Variants in EIF1B observed in about 807,000 individuals in gnomAD.
EIF1B encodes eukaryotic translation initiation factor 1B, also known as protein translation factor SUI1 homolog GC20.
Under a neutral mutation model 14.8 loss-of-function variants are expected in EIF1B, and 5 were observed. That is an observed-to-expected ratio of 0.34 (90% CI 0.18 to 0.71). The LOEUF (loss-of-function observed/expected upper bound fraction) is 0.71, where lower values mean the gene tolerates loss of function less well. EIF1B is among the 30% of genes least tolerant of loss of function. EIF1B has a pLI of 0.64. For missense variants in EIF1B, 56 were observed against 134.0 expected (o/e 0.42, Z 2.87); for synonymous variants, 45 against 45.8 (o/e 0.98, Z 0.07).
intron 2 of EIF1B, 164 bp downstream of exon 2, chr3:40,311,220 C>T: frequency 1.5e-6 from 1 of 687,438 alleles, no homozygotes; most frequent in Non-Finnish European, 2.3e-6. Context: ...CCAGTGTGGT[C>T]TCTCATTTTA....
intron 1 of EIF1B, 74 bp downstream of exon 1, chr3:40,310,046 C>G: frequency 1.3e-6 from 2 of 1,584,396 alleles, no homozygotes; most frequent in Non-Finnish European, 1.7e-6. Context: ...TGGCCACCGC[C>G]CCTAGGGGCC....
Position 40,312,244 on chromosome 3 carries a change from C to T in EIF1B, c.*230C>T, listed in dbSNP as rs1255469098. On this transcript the variant is annotated 3_prime_UTR_variant, in exon 4 of 4. Coordinates refer to ENST00000232905, the MANE Select transcript of EIF1B (RefSeq NM_005875.3). ...ACCTCATATTGTCTTTACATGTTTCCAATGGAAAATGTTTTGAGTGTTTAT... is the reference window on the plus strand; with the variant it reads ...ACCTCATATTGTCTTTACATGTTTCTAATGGAAAATGTTTTGAGTGTTTAT... The T allele has an allele frequency of 5.1e-5, 24 of 469,444 alleles. No individual in the cohort carries two copies. The East Asian group carries it at 7.7e-4, about 15-fold the overall frequency. 29.1% of individuals were successfully genotyped at this position (469,444 alleles called of 1,614,324 possible).
Position 40,310,889 on chromosome 3 carries a change from G to C in EIF1B, c.32-4G>C. On this transcript the variant is annotated splice_region_variant and splice_polypyrimidine_tract_variant and intron_variant, in intron 1 of 3. Coordinates refer to ENST00000232905, the MANE Select transcript of EIF1B (RefSeq NM_005875.3). The stretch of plus-strand genomic sequence containing the variant: ...ATTTTTTTTTTTTTTTTATCCATTC[G>C]CAGACCCCTTTGCTGATGCAACTAA... 1 of 1,518,270 alleles carries C rather than the reference G, an allele frequency of 6.6e-7. No individual in the cohort carries two copies. Among genetic ancestry groups the C allele is most frequent in the Non-Finnish European group, 8.8e-7 (1 of 1,133,800 alleles). 94.0% of individuals were successfully genotyped at this position (1,518,270 alleles called of 1,614,324 possible).
In EIF1B at chr3:40,310,885, A is replaced by G. The variant is rs1415309592; in HGVS notation, c.32-8A>G. The G allele has an allele frequency of 6.5e-7, 1 of 1,532,066 alleles. No homozygotes were observed. The allele number at this position is 1,532,066 out of a possible 1,614,324, so 94.9% of individuals were successfully genotyped here. A position where few individuals can be genotyped will look rare whatever the true frequency, so the allele number is the denominator to read the frequency against. ...TTGGATTTTTTTTTTTTTTTTATCC[A>G]TTCGCAGACCCCTTTGCTGATGCAA... On this transcript the variant is annotated splice_region_variant and splice_polypyrimidine_tract_variant and intron_variant, in intron 1 of 3. Coordinates refer to ENST00000232905, the MANE Select transcript of EIF1B (RefSeq NM_005875.3).
intron 1 of EIF1B, among the ~76,000 whole-genome samples, chr3:40,310,207 G>C (rs570556969): frequency 6.6e-6 from 1 of 152,320 alleles, no homozygotes; most frequent in African/African-American, 2.4e-5. Flanking sequence ...GCCACCCCCT[G>C]CCCCGTCCTT....
Position 40,309,936 on chromosome 3 carries a change from T to A in EIF1B, c.-6T>A, listed in dbSNP as rs1377955749. On this transcript the variant is annotated 5_prime_UTR_variant, in exon 1 of 4. Coordinates refer to ENST00000232905, the MANE Select transcript of EIF1B (RefSeq NM_005875.3). ...TATCCCCTCACCGGCCTCACACTAG[T>A]ATCGCATGTCCACTATCCAGAACCT... is the stretch of plus-strand genomic sequence containing the variant. 6.2e-7 allele frequency: 1 copy of A among 1,614,012 alleles called. No individual in the cohort carries two copies. The highest frequency in any genetic ancestry group is 8.5e-7 in the Non-Finnish European group (1 of 1,179,976).
chr3:40,309,983 G>T lies in EIF1B; in HGVS notation c.31+11G>T, dbSNP rs1156626487. 1 of 1,613,608 alleles carries T rather than the reference G, an allele frequency of 6.2e-7. No individual in the cohort carries two copies. ...ACCTCCAATCTTTCGGTAAGATCCC[G>T]TCGCCGCCGCCTCCCTCCCTTGCCC... On this transcript the variant is annotated intron_variant, in intron 1 of 3. Coordinates refer to ENST00000232905, the MANE Select transcript of EIF1B (RefSeq NM_005875.3).
In EIF1B at chr3:40,309,822, C is replaced by G. The variant is rs1221042084; in HGVS notation, c.-120C>G. 1 of 1,282,876 alleles carries G rather than the reference C, an allele frequency of 7.8e-7. No individual in the cohort carries two copies. The highest frequency in any genetic ancestry group is 1.1e-6 in the Non-Finnish European group (1 of 893,498). 79.5% of individuals were successfully genotyped at this position (1,282,876 alleles called of 1,614,324 possible). On this transcript the variant is annotated 5_prime_UTR_variant, in exon 1 of 4. Transcript: ENST00000232905. ...GCCGCCACTCCAGCCTAATCCCAAC[C>G]CCAGGGCGAAGCGTTTTCTTATTTA...
chr3:40,311,272 A>G (rs1954323120), intron 2 of EIF1B, 198 bp from the exon 3 acceptor site: 2 of 597,650 alleles, frequency 3.3e-6, no homozygotes, highest in Non-Finnish European at 2.8e-6. Context: ...TAAATGTGAA[A>G]TATTTAGTTC....
chr3:40,311,884 ATTC>A (rs1954330423), intron 3 of EIF1B, 83 bp from the exon 4 acceptor site: 1 of 1,084,840 alleles, frequency 9.2e-7, no homozygotes, highest in African/African-American at 1.6e-5. Flanking sequence ...GTTGATAGTG[ATTC>A]TTTTTAATTA....
At chr3:40,311,077 G>A in intron 2 of EIF1B, 21 bp downstream of exon 2, 1 of 1,610,642 alleles carries the variant, frequency 6.2e-7, no homozygotes, top group Non-Finnish European at 8.5e-7. Flanking sequence ...TAGGAAGAAA[G>A]GATTAGAGTT....
intron 1 of EIF1B, 88 bp from the exon 2 acceptor site, chr3:40,310,805 G>C (rs1453389969): frequency 7.3e-7 from 1 of 1,370,902 alleles, no homozygotes; most frequent in East Asian, 2.5e-5. Flanking sequence ...TGACTGTCTG[G>C]ATTGGTAGTA....
Position 40,311,926 on chromosome 3 carries a change from A to C in EIF1B, c.298-44A>C, listed in dbSNP as rs749924237. ...TTCCATGTTTTCTTAATGAATTTTT[A>C]TATTTCTCAGAGTTATTTTGCTAAA... is the stretch of plus-strand genomic sequence containing the variant. On this transcript the variant is annotated intron_variant, in intron 3 of 3. Coordinates refer to ENST00000232905, the MANE Select transcript of EIF1B (RefSeq NM_005875.3). The C allele has an allele frequency of 6.6e-6, 9 of 1,361,640 alleles. No homozygotes were observed. The East Asian group carries it at 2.2e-4, about 33-fold the overall frequency. 84.3% of individuals were successfully genotyped at this position (1,361,640 alleles called of 1,614,324 possible).
Position 40,309,809 on chromosome 3 carries a change from G to A in EIF1B, c.-133G>A. 1 of 1,134,236 alleles carries A rather than the reference G, an allele frequency of 8.8e-7. No homozygotes were observed. The highest frequency in any genetic ancestry group is 1.3e-5 in the South Asian group (1 of 76,314). 70.3% of individuals were successfully genotyped at this position (1,134,236 alleles called of 1,614,324 possible). ...CCCGGCTTCCGCCGCCGCCACTCCAGCCTAATCCCAACCCCAGGGCGAAGC... is the reference window on the plus strand; with the variant it reads ...CCCGGCTTCCGCCGCCGCCACTCCAACCTAATCCCAACCCCAGGGCGAAGC... On this transcript the variant is annotated 5_prime_UTR_variant, in exon 1 of 4. Coordinates refer to ENST00000232905, the MANE Select transcript of EIF1B (RefSeq NM_005875.3).
chr3:40,311,070 G>A lies in EIF1B; in HGVS notation c.195+14G>A, dbSNP rs1954319927. ...GCTTTCAAAAAGGTAAAGGGATTAG[G>A]AAGAAAGGATTAGAGTTACTGATGC... On this transcript the variant is annotated intron_variant, in intron 2 of 3. Transcript: ENST00000232905. 1.9e-6 allele frequency: 3 copies of A among 1,612,646 alleles called. No individual in the cohort carries two copies. Among genetic ancestry groups the A allele is most frequent in the Non-Finnish European group, 2.5e-6 (3 of 1,179,226 alleles).
rs558078170 is a variant in EIF1B, at chr3:40,312,136, C to G, written c.*122C>G. 34 of 730,614 alleles carry G rather than the reference C, an allele frequency of 4.7e-5. No homozygotes were observed. In the East Asian group the frequency reaches 7.3e-4, roughly 16 times the overall value. The allele number at this position is 730,614 out of a possible 1,614,324, so 45.3% of individuals were successfully genotyped here. ...TTCATTTATTTAATCATTCAAACTT[C>G]CATTCACATCTGCATGATTACAGAA... is the stretch of plus-strand genomic sequence containing the variant. On this transcript the variant is annotated 3_prime_UTR_variant, in exon 4 of 4. Transcript: ENST00000232905.
rs764228536 is a variant in EIF1B, at chr3:40,312,053, T to C, written c.*39T>C. On this transcript the variant is annotated 3_prime_UTR_variant, in exon 4 of 4. Coordinates refer to ENST00000232905, the MANE Select transcript of EIF1B (RefSeq NM_005875.3). ...ACGTGGAGAATTTCTTGAATAGTTT[T>C]GTTCTCTAAACCCGGTTTGGCTGCC... 2.0e-6 allele frequency: 3 copies of C among 1,513,830 alleles called. No homozygotes were observed. Among genetic ancestry groups the C allele is most frequent in the South Asian group, 2.3e-5 (2 of 87,438 alleles). The allele number at this position is 1,513,830 out of a possible 1,614,324, so 93.8% of individuals were successfully genotyped here.
rs1575707003 is a variant in EIF1B, at chr3:40,309,754, CGCCTCCTCCTTCGCCTCTTCCT to C, written c.-178_-157del. ...TCTCTCGCGCCCTCGCCTCTTCCTC[CGCCTCCTCCTTCGCCTCTTCCT>C]GCCTCCTCCCGGCTTCCGCCGCCGC... On this transcript the variant is annotated 5_prime_UTR_variant, in exon 1 of 4. Transcript: ENST00000232905. The C allele has an allele frequency of 1.6e-6, 1 of 633,090 alleles. No homozygotes were observed. The highest frequency in any genetic ancestry group is 2.7e-6 in the Non-Finnish European group (1 of 366,036). The allele number at this position is 633,090 out of a possible 1,614,324, so 39.2% of individuals were successfully genotyped here.
intron 2 of EIF1B, 80 bp downstream of exon 2, chr3:40,311,136 C>T (rs1229854542): frequency 6.6e-6 from 9 of 1,372,264 alleles, no homozygotes; most frequent in Middle Eastern, 3.8e-4. Flanking sequence ...TTTATATCGG[C>T]GTGGATGAAA....
Sources: gnomAD v4.1 joint callset for allele counts (sites outside exome capture counted in the v4.1 genomes callset) on GRCh38, gnomAD v4.1.1 for gene constraint, MANE v1.5 for transcripts, NCBI Gene and HGNC (gene_info 2026-07-23, HGNC 2026-07-21) for gene names.